The following CCSER1 variants were observed in gnomAD, a reference collection of about 807,000 sequenced individuals.
CCSER1 encodes coiled-coil serine rich protein 1, also known as serine-rich coiled-coil domain-containing protein 1.
CCSER1 carries 41 observed loss-of-function variants against 82.0 expected under a neutral mutation model. The ratio of observed to expected loss-of-function variants is 0.50; its 90% CI spans 0.39 to 0.65. The LOEUF (loss-of-function observed/expected upper bound fraction) is 0.65. Among genes scored for constraint, CCSER1 ranks in the 30% least tolerant of loss-of-function variants. CCSER1 has a pLI of 0.00. For missense variants in CCSER1, 1,119 were observed against 1,064.2 expected, an observed-to-expected ratio of 1.05 and a Z score of -0.72; for synonymous variants, 414 against 383.9, an observed-to-expected ratio of 1.08 and a Z score of -0.92.
intron 5 of CCSER1, among the ~76,000 whole-genome samples, chr4:90,487,213 T>C (rs1458856165): frequency 1.3e-5 from 2 of 152,136 alleles, no homozygotes; most frequent in Non-Finnish European, 2.9e-5. Context: ...GTCCCGGCCG[T>C]CTCTATTTTT....
rs564319810 is a variant in CCSER1 at position 90,253,330 on chromosome 4, G to A, written c.-41-54914G>A. Reference sequence around the variant, plus strand: ...TTAGTGGGTTTCAAATTATTGTTGGGTGTCACTTGCTTTCAGCTTGAAGAA... The same window carrying A: ...TTAGTGGGTTTCAAATTATTGTTGGATGTCACTTGCTTTCAGCTTGAAGAA... On this transcript the variant is annotated intron_variant, in intron 1 of 10. Transcript: ENST00000509176. Among the ~76,000 whole-genome samples, 8 of 152,110 alleles carry A rather than the reference G, an allele frequency of 5.3e-5. No homozygotes were observed. The South Asian group carries it at 1.5e-3, about 28-fold the overall frequency.
At chr4:90,409,937 T>C (rs969936956) in intron 4 of CCSER1, among the ~76,000 whole-genome samples, 1 of 151,926 alleles carries the variant, frequency 6.6e-6, no homozygotes, top group Non-Finnish European at 1.5e-5. Context: ...TGGAGGAAGA[T>C]CTACCAAGCA....
intron 10 of CCSER1, among the ~76,000 whole-genome samples, chr4:91,456,035 C>G (rs765252749): frequency 2.0e-5 from 3 of 152,000 alleles, no homozygotes; most frequent in Non-Finnish European, 2.9e-5. Flanking sequence ...TCAGTTTGGG[C>G]TGCTACCACA....
At chr4:90,494,294 A>G (rs1450176988) in intron 5 of CCSER1, among the ~76,000 whole-genome samples, 3 of 152,206 alleles carry the variant, frequency 2.0e-5, no homozygotes, top group Non-Finnish European at 4.4e-5. Flanking sequence ...AAAGAGACTT[A>G]GACTCCCACA....
intron 10 of CCSER1, among the ~76,000 whole-genome samples, chr4:91,178,383 G>A (rs961640635): frequency 3.7e-5 from 5 of 135,104 alleles, no homozygotes; most frequent in Admixed American, 7.6e-5. Flanking sequence ...ATTCTGTCTC[G>A]TTGATCTGTC....
At chr4:91,521,374 T>C (rs1006384381) in intron 10 of CCSER1, among the ~76,000 whole-genome samples, 1 of 152,230 alleles carries the variant, frequency 6.6e-6, no homozygotes, top group Non-Finnish European at 1.5e-5. Flanking sequence ...GCATGATTTA[T>C]AACCCTTTGA....
chr4:90,428,651 AAGG>A (rs935860230), intron 4 of CCSER1, among the ~76,000 whole-genome samples: 1 of 151,842 alleles, frequency 6.6e-6, no homozygotes, highest in Non-Finnish European at 1.5e-5. Context: ...TCAGTAGGCC[AAGG>A]AGGAGAAGGA....
chr4:90,989,590 G>T (rs1453031825), intron 9 of CCSER1, among the ~76,000 whole-genome samples: 1 of 151,794 alleles, frequency 6.6e-6, no homozygotes, highest in Non-Finnish European at 1.5e-5. Context: ...AGACTGACAT[G>T]CAGAAATAAT....
chr4:90,129,321 A>G (rs987885352), intron 1 of CCSER1, among the ~76,000 whole-genome samples: 8 of 152,350 alleles, frequency 5.3e-5, no homozygotes, highest in African/African-American at 1.9e-4. Flanking sequence ...AGGCTATAAT[A>G]TAATTTGTCT....
intron 6 of CCSER1, among the ~76,000 whole-genome samples, chr4:90,663,352 A>G (rs1001170989): frequency 6.6e-6 from 1 of 152,220 alleles, no homozygotes; most frequent in Admixed American, 6.5e-5. Flanking sequence ...AACAAGTGAA[A>G]CCTGGATGCC....
Position 91,406,962 on chromosome 4 carries a change from A to C in CCSER1, c.2218-191610A>C, listed in dbSNP as rs543164540. 3.3e-5 allele frequency among the ~76,000 whole-genome samples: 5 copies of C among 152,302 alleles called. No homozygotes were observed. The South Asian group carries it at 1.0e-3, about 32-fold the overall frequency. On this transcript the variant is annotated intron_variant, in intron 10 of 10. Coordinates refer to ENST00000509176, the MANE Select transcript of CCSER1 (RefSeq NM_001145065.2). Reference sequence around the variant, plus strand: ...AAGATGTGTTTTATTTTAAACTCACATTTCATACCTAATATTGCAAAGCAG... The same window carrying C: ...AAGATGTGTTTTATTTTAAACTCACCTTTCATACCTAATATTGCAAAGCAG...
chr4:91,303,022 A>G (rs1744791484), intron 10 of CCSER1, among the ~76,000 whole-genome samples: 1 of 152,040 alleles, frequency 6.6e-6, no homozygotes, highest in Non-Finnish European at 1.5e-5. Context: ...CTTAGCAATC[A>G]CTCAGTAATG....
At chr4:90,610,769 C>T (rs574382843) in intron 5 of CCSER1, among the ~76,000 whole-genome samples, 16 of 152,270 alleles carry the variant, frequency 1.1e-4, no homozygotes, top group Admixed American at 4.6e-4. Context: ...TATTAATATG[C>T]ATTGAATAGC....
intron 7 of CCSER1, chr4:90,781,602 A>G: frequency 1.0e-6 from 1 of 975,854 alleles, no homozygotes; most frequent in Non-Finnish European, 1.2e-6. Flanking sequence ...AAGATTGAAA[A>G]CAATAAGGTG....
intron 8 of CCSER1, among the ~76,000 whole-genome samples, chr4:90,866,442 G>A (rs1765742539): frequency 6.6e-6 from 1 of 152,026 alleles, no homozygotes; most frequent in Non-Finnish European, 1.5e-5. Context: ...AGAGCAATGA[G>A]ATAGTTTGTA....
chr4:90,167,219 C>T (rs115473733), intron 1 of CCSER1, among the ~76,000 whole-genome samples: 14 of 152,098 alleles, frequency 9.2e-5, no homozygotes, highest in Non-Finnish European at 1.9e-4. Context: ...TTAAAAATAT[C>T]TGTGTCTCAT....
intron 10 of CCSER1, among the ~76,000 whole-genome samples, chr4:91,442,421 G>T (rs935260115): frequency 9.9e-4 from 147 of 148,648 alleles, no homozygotes; most frequent in African/African-American, 3.5e-3. Context: ...CTAGCCATAT[G>T]TAGAAAGCTG....
intron 7 of CCSER1, among the ~76,000 whole-genome samples, chr4:90,782,872 G>A (rs150694593): frequency 0.014 from 2,174 of 151,790 alleles, 50 homozygotes; most frequent in African/African-American, 0.049. Context: ...AGTAGAGATG[G>A]GGTTTCACCG....
At chr4:91,387,738 G>T (rs371637940) in intron 10 of CCSER1, among the ~76,000 whole-genome samples, 12 of 115,868 alleles carry the variant, frequency 1.0e-4, no homozygotes, top group African/African-American at 3.5e-4. Context: ...ATAAAAAAAT[G>T]ATAAGACAGA....
Sources: gnomAD v4.1 joint callset for allele counts (sites outside exome capture counted in the v4.1 genomes callset) on GRCh38, gnomAD v4.1.1 for gene constraint, MANE v1.5 for transcripts, NCBI Gene and HGNC (gene_info 2026-07-23, HGNC 2026-07-21) for gene names.